The following PPP2R2C variants were observed in gnomAD, a reference collection of about 807,000 sequenced individuals.
The protein encoded by PPP2R2C is protein phosphatase 2 regulatory subunit Bgamma, also known as protein phosphatase 2, regulatory subunit B, gamma.
A neutral mutation model predicts 45.3 loss-of-function variants in PPP2R2C; 10 were observed. The ratio of observed to expected loss-of-function variants is 0.22; its 90% confidence interval spans 0.14 to 0.37. The LOEUF (loss-of-function observed/expected upper bound fraction) is 0.37. Ranked by LOEUF, PPP2R2C falls within the 10% of genes least tolerant of loss-of-function variation. The pLI is 1.00. For missense variants in PPP2R2C, 308 were observed against 619.7 expected, an observed-to-expected ratio of 0.50 and a Z score of 5.34; for synonymous variants, 257 against 245.4, an observed-to-expected ratio of 1.05 and a Z score of -0.44.
At chr4:6,465,500 T>C (rs904161883) in intron 1 of PPP2R2C, among the ~76,000 whole-genome samples, 1 of 152,176 alleles carries the variant, frequency 6.6e-6, no homozygotes, top group Admixed American at 6.5e-5. Flanking sequence ...GGGCCAACCC[T>C]ATAATTCGTG....
rs375276980 is a variant in PPP2R2C, at chr4:6,426,664, C to T, written c.70+45496G>A. On this transcript the variant is annotated intron_variant, in intron 1 of 8. Coordinates refer to ENST00000382599, the MANE Select transcript of PPP2R2C (RefSeq NM_020416.4). ...TCAGAAACACACTCAGTGTCAGTAT[C>T]AGGGGACGGCAGAGTAGACTTGGGT... 1.6e-4 allele frequency among the ~76,000 whole-genome samples: 25 copies of T among 152,330 alleles called. No homozygotes were observed. The South Asian group carries it at 5.2e-3, about 32-fold the overall frequency.
intron 2 of PPP2R2C, among the ~76,000 whole-genome samples, chr4:6,379,469 A>G (rs28571819): frequency 0.021 from 3,265 of 152,326 alleles, 125 homozygotes; most frequent in African/African-American, 0.075. Flanking sequence ...GAAGTTCTCC[A>G]ATATTTTTGC....
At chr4:6,563,693 C>A (rs1414585093), upstream of PPP2R2C, 1 of 39,932 alleles carries the variant, frequency 2.5e-5, no homozygotes, top group Non-Finnish European at 4.8e-5. This position sits in a 1 kb window ranked among gnomAD's most constrained non-coding sequence, Gnocchi z 5.8. Context: ...AGCGCGGGCC[C>A]GGGGCGGGGG....
chr4:6,482,091 G>C lies in PPP2R2C; in HGVS notation c.49+53180C>G, dbSNP rs116102360. Among the ~76,000 whole-genome samples the C allele has an allele frequency of 1.8e-3, 276 of 150,606 alleles. 1 individual carries two copies. The highest frequency in any genetic ancestry group is 6.3e-3 in the African/African-American group (259 of 40,982). ...AAAAAATAGACACCTTTCTGATATTGAATCATCCCATCAATGGATATGGTC... is the reference window on the plus strand; with the variant it reads ...AAAAAATAGACACCTTTCTGATATTCAATCATCCCATCAATGGATATGGTC... On this transcript the variant is annotated intron_variant, in intron 2 of 9. Coordinates refer to the PPP2R2C transcript ENST00000506140.
At chr4:6,393,149 A>T (rs184605973) in intron 1 of PPP2R2C, among the ~76,000 whole-genome samples, 2 of 152,310 alleles carry the variant, frequency 1.3e-5, no homozygotes, top group East Asian at 1.9e-4. Flanking sequence ...CCACAGTCTA[A>T]TGCCAGAACA....
At position 6,364,746 on chromosome 4, in the gene PPP2R2C, T is replaced by A. The variant is rs578125917; in HGVS notation, c.625+7777A>T. 6.6e-6 allele frequency among the ~76,000 whole-genome samples: 1 copy of A among 152,050 alleles called. No individual in the cohort carries two copies. The highest frequency in any genetic ancestry group is 3.2e-3 in the Middle Eastern group (1 of 316). On this transcript the variant is annotated intron_variant, in intron 5 of 8. Transcript: ENST00000382599. The surrounding 1 kb of genome is among the most constrained non-coding windows in gnomAD (Gnocchi z 5.3). ...GAGTCCCTATGTCTTGGGGCCAAGG[T>A]CTGAGCCCTGGCAGTCTGGCTCCTA...
At chr4:6,366,840 G>A (rs1714355793) in intron 5 of PPP2R2C, among the ~76,000 whole-genome samples, 1 of 152,150 alleles carries the variant, frequency 6.6e-6, no homozygotes, top group Admixed American at 6.5e-5. Context: ...GGTCACCAAA[G>A]GCACAGGGCA....
At chr4:6,414,768 T>G (rs572626138) in intron 1 of PPP2R2C, among the ~76,000 whole-genome samples, 6 of 152,250 alleles carry the variant, frequency 3.9e-5, no homozygotes, top group Non-Finnish European at 4.4e-5. Context: ...TGGGAATCAC[T>G]ACGCCATCAC....
At chr4:6,484,976 C>T (rs1293723970) in intron 2 of PPP2R2C, among the ~76,000 whole-genome samples, 2 of 151,788 alleles carry the variant, frequency 1.3e-5, no homozygotes, top group African/African-American at 4.8e-5. Flanking sequence ...TGAGAGTAGA[C>T]ATTTTTGCCT....
intron 1 of PPP2R2C, among the ~76,000 whole-genome samples, chr4:6,430,649 G>A (rs978213033): frequency 6.6e-6 from 1 of 152,176 alleles, no homozygotes; most frequent in Admixed American, 6.5e-5. Flanking sequence ...ATCCAGCCGG[G>A]CACGGTGGCT....
intron 1 of PPP2R2C, among the ~76,000 whole-genome samples, chr4:6,552,460 G>A (rs1028336779): frequency 1.3e-5 from 2 of 152,036 alleles, no homozygotes; most frequent in Non-Finnish European, 2.9e-5. Context: ...AAAACCATCA[G>A]CTCAGCATCT....
At chr4:6,323,672 A>C in intron 8 of PPP2R2C, 79 bp from the exon 9 acceptor site, 3 of 1,381,920 alleles carry the variant, frequency 2.2e-6, no homozygotes, top group Non-Finnish European at 2.9e-6. Flanking sequence ...GTGGGGGCTC[A>C]CGCCCATAAT....
At chr4:6,507,963 A>T (rs1723293898) in intron 2 of PPP2R2C, among the ~76,000 whole-genome samples, 1 of 152,230 alleles carries the variant, frequency 6.6e-6, no homozygotes, top group Non-Finnish European at 1.5e-5. Context: ...GATGAGCTGT[A>T]GAGCAAAAAA....
In PPP2R2C at chr4:6,543,082, C is replaced by T. The variant is rs1382914233; in HGVS notation, c.-58-7705G>A. 6.6e-5 allele frequency among the ~76,000 whole-genome samples: 10 copies of T among 152,300 alleles called. No homozygotes were observed. The East Asian group carries it at 1.7e-3, about 27-fold the overall frequency. On this transcript the variant is annotated intron_variant, in intron 1 of 9. Coordinates refer to the PPP2R2C transcript ENST00000506140. ...AAGGAGGGATCTTTGCCGCAGCAGG[C>T]GGGGTGCTGTCAGGAGACACCTGCA...
intron 1 of PPP2R2C, among the ~76,000 whole-genome samples, chr4:6,450,674 G>A (rs943902264): frequency 1.3e-5 from 2 of 152,310 alleles, no homozygotes; most frequent in Non-Finnish European, 2.9e-5. Context: ...AGGCCTGAGC[G>A]AGGGATAGAT....
intron 1 of PPP2R2C, among the ~76,000 whole-genome samples, chr4:6,388,257 C>G (rs1334699883): frequency 2.0e-5 from 3 of 152,194 alleles, no homozygotes; most frequent in South Asian, 2.1e-4. Flanking sequence ...GGGCACAGCA[C>G]AGGCCTACCA....
At chr4:6,427,774 C>T (rs964951430) in intron 1 of PPP2R2C, among the ~76,000 whole-genome samples, 4 of 152,180 alleles carry the variant, frequency 2.6e-5, no homozygotes, top group Non-Finnish European at 4.4e-5. Context: ...GTGACTGAAC[C>T]CCCAGTCTGA....
chr4:6,551,357 C>T (rs1024610139), intron 1 of PPP2R2C, among the ~76,000 whole-genome samples: 2 of 152,132 alleles, frequency 1.3e-5, no homozygotes, highest in South Asian at 2.1e-4. Flanking sequence ...TGAACAAACA[C>T]GTGGCATGGA....
At position 6,540,733 on chromosome 4, in the gene PPP2R2C, TG is replaced by T. The variant is rs199668558; in HGVS notation, c.-58-5357del. On this transcript the variant is annotated intron_variant, in intron 1 of 9. Transcript: ENST00000506140. ...CACACATGTGGTTTCTGCATGAAGA[TG>T]GGTGTGCTCAGAATGGTCTTTCCTT... 7.3e-3 allele frequency among the ~76,000 whole-genome samples: 1,114 copies of T among 152,360 alleles called. 18 individuals carry two copies. Among genetic ancestry groups the T allele is most frequent in the African/African-American group, 0.025 (1,054 of 41,570 alleles).
Sources: gnomAD v4.1 joint callset for allele counts (sites outside exome capture counted in the v4.1 genomes callset) on GRCh38, gnomAD v4.1.1 for gene constraint, Gnocchi (gnomAD v3.1) non-coding constraint, MANE v1.5 for transcripts, NCBI Gene and HGNC (gene_info 2026-07-23, HGNC 2026-07-21) for gene names.